The following STK24 variants were observed in gnomAD, a reference collection of about 807,000 sequenced individuals.
The protein encoded by STK24 is serine/threonine kinase 24, also known as serine/threonine-protein kinase 24.
Under a neutral mutation model 55.6 loss-of-function variants are expected in STK24, and 21 were observed. The observed-to-expected ratio is 0.38, with a 90% confidence interval of 0.27 to 0.54. The LOEUF (loss-of-function observed/expected upper bound fraction) is 0.54, where lower values mean the gene tolerates loss of function less well. Ranked by LOEUF, STK24 falls within the 20% of genes least tolerant of loss-of-function variation. STK24 has a pLI of 0.79. For missense variants in STK24, 383 were observed against 538.4 expected (o/e 0.71, Z 2.86); for synonymous variants, 200 against 215.2 (o/e 0.93, Z 0.62).
At chr13:98,475,113 C>T in intron 4 of STK24, 135 bp from the exon 5 acceptor site, 12 of 1,411,122 alleles carry the variant, frequency 8.5e-6, no homozygotes, top group Non-Finnish European at 1.1e-5. Flanking sequence ...TTGTCAGACC[C>T]CCTCAAAGCC....
chr13:98,477,817 AG>A (rs1280907268), intron 3 of STK24, among the ~76,000 whole-genome samples: 2 of 152,160 alleles, frequency 1.3e-5, no homozygotes, highest in African/African-American at 4.8e-5. Context: ...GTCTCCCAAA[AG>A]CAACGGCAGA....
chr13:98,455,151 T>G (rs1025917837), intron 10 of STK24: 1 of 152,256 alleles, frequency 6.6e-6, no homozygotes, highest in Non-Finnish European at 1.5e-5. Context: ...GTTGAAATAA[T>G]ACTTTGGATC....
Position 98,448,091 on chromosome 13 carries a change from G to T in STK24, c.*5082C>A, listed in dbSNP as rs1300994091. On this transcript the variant is annotated 3_prime_UTR_variant, in exon 11 of 11. Transcript: ENST00000539966. ...TGTACCTCAGGAACGCCTGGGTGCT[G>T]GCTGTTCCCTTGCTCTTCTGCTGAA... 3 of 692,548 alleles carry T rather than the reference G, an allele frequency of 4.3e-6. No individual in the cohort carries two copies. Among genetic ancestry groups the T allele is most frequent in the Non-Finnish European group, 7.9e-6 (3 of 381,968 alleles). The allele number at this position is 692,548 out of a possible 1,614,324, so 42.9% of individuals were successfully genotyped here.
chr13:98,527,450 T>C (rs1017202462), intron 1 of STK24, among the ~76,000 whole-genome samples: 10 of 152,170 alleles, frequency 6.6e-5, no homozygotes, highest in African/African-American at 1.4e-4. Flanking sequence ...CCGGGAATCA[T>C]GCTCCGCGGG....
At chr13:98,532,160 G>A (rs1277147961) in intron 1 of STK24, among the ~76,000 whole-genome samples, 2 of 152,174 alleles carry the variant, frequency 1.3e-5, no homozygotes, top group Non-Finnish European at 2.9e-5. Flanking sequence ...CTCTGCAGAA[G>A]TCACAATGCC....
chr13:98,458,369 C>A (rs571176451), intron 9 of STK24, among the ~76,000 whole-genome samples: 1 of 152,186 alleles, frequency 6.6e-6, no homozygotes, highest in South Asian at 2.1e-4. Context: ...AGGCGACATT[C>A]AGCTTGGTTT....
intron 1 of STK24, among the ~76,000 whole-genome samples, chr13:98,542,074 T>C (rs758614639): frequency 6.6e-6 from 1 of 152,238 alleles, no homozygotes; most frequent in Non-Finnish European, 1.5e-5. Flanking sequence ...ACTTTAACCA[T>C]GGGCCGTTTA....
At chr13:98,547,285 C>A (rs1202482973) in intron 1 of STK24, among the ~76,000 whole-genome samples, 2 of 152,136 alleles carry the variant, frequency 1.3e-5, no homozygotes, top group African/African-American at 2.4e-5. Context: ...GTGGCTCACA[C>A]CTGTCAACCT....
chr13:98,516,465 G>A (rs1246868545), intron 2 of STK24, among the ~76,000 whole-genome samples: 3 of 152,216 alleles, frequency 2.0e-5, no homozygotes, highest in Non-Finnish European at 1.5e-5. Context: ...GAAAAGGCCA[G>A]CCTACTGTGC....
At chr13:98,539,137 G>A (rs975784296) in intron 1 of STK24, among the ~76,000 whole-genome samples, 5 of 148,652 alleles carry the variant, frequency 3.4e-5, no homozygotes, top group Admixed American at 6.6e-5. Context: ...ATTTCCATTC[G>A]GCTCACTCCA....
At chr13:98,480,759 T>C (rs1252128428) in intron 3 of STK24, among the ~76,000 whole-genome samples, 1 of 152,234 alleles carries the variant, frequency 6.6e-6, no homozygotes, top group Non-Finnish European at 1.5e-5. Flanking sequence ...TATTCTAGAA[T>C]TAAATTTTTT....
intron 1 of STK24, among the ~76,000 whole-genome samples, chr13:98,562,729 C>T (rs559291750): frequency 3.9e-5 from 6 of 151,964 alleles, no homozygotes; most frequent in East Asian, 3.9e-4. Flanking sequence ...TCCTGGCTAG[C>T]GCGGTGAAAC....
At chr13:98,493,441 A>G (rs1395166940) in intron 2 of STK24, among the ~76,000 whole-genome samples, 8 of 152,204 alleles carry the variant, frequency 5.3e-5, no homozygotes, top group Non-Finnish European at 7.3e-5. Context: ...AAAAGAAAAG[A>G]AACAACAAAG....
In STK24 at chr13:98,452,544, C is replaced by G. The variant is rs560155440; in HGVS notation, c.*629G>C. On this transcript the variant is annotated 3_prime_UTR_variant, in exon 11 of 11. Coordinates refer to ENST00000539966, the MANE Select transcript of STK24 (RefSeq NM_001032296.4). ...CATTAATTATTAATGACAAACCCTG[C>G]AAATACAAAATAAAACCCAAATCAC... The G allele has an allele frequency of 5.0e-4, 76 of 152,656 alleles. No homozygotes were observed. The highest frequency in any genetic ancestry group is 1.8e-3 in the Admixed American group (27 of 15,282). 9.5% of individuals were successfully genotyped at this position (152,656 alleles called of 1,614,324 possible).
In STK24 at chr13:98,449,427, C is replaced by A. The variant is rs1327728710; in HGVS notation, c.*3746G>T. Reference sequence around the variant, plus strand: ...GCTTTGGCCCCTACTCGGGAAACGTCTGCCTGTTCTCGATGGTGATGGGGT... The same window carrying A: ...GCTTTGGCCCCTACTCGGGAAACGTATGCCTGTTCTCGATGGTGATGGGGT... On this transcript the variant is annotated 3_prime_UTR_variant, in exon 11 of 11. Coordinates refer to ENST00000539966, the MANE Select transcript of STK24 (RefSeq NM_001032296.4). 6.6e-6 allele frequency: 1 copy of A among 152,192 alleles called. No homozygotes were observed. Among genetic ancestry groups the A allele is most frequent in the Non-Finnish European group, 1.5e-5 (1 of 68,046 alleles). 9.4% of individuals were successfully genotyped at this position (152,192 alleles called of 1,614,324 possible). A position where few individuals can be genotyped will look rare whatever the true frequency, so the allele number is the denominator to read the frequency against.
chr13:98,466,412 C>T lies in STK24; in HGVS notation c.747G>A (p.Glu249=), dbSNP rs747472745. 51 of 1,612,924 alleles carry T rather than the reference C, an allele frequency of 3.2e-5. No individual in the cohort carries two copies. The highest frequency in any genetic ancestry group is 4.2e-5 in the Non-Finnish European group (50 of 1,180,040). ...LEGNYSKPLK[E]FVEACLNKEP... ...CCTTATTCAAACAGGCCTCCACAAA[C>T]TCCTTGAGGGGTTTACTGTAGTTTC... The change falls in exon 6 of 11, where the codon GAG becomes GAA. Residue 249 remains glutamate, a synonymous_variant. Transcript: ENST00000539966.
intron 2 of STK24, among the ~76,000 whole-genome samples, chr13:98,493,443 A>G (rs983759804): frequency 6.6e-6 from 1 of 152,200 alleles, no homozygotes; most frequent in African/African-American, 2.4e-5. Flanking sequence ...AAGAAAAGAA[A>G]CAACAAAGAG....
At chr13:98,555,268 A>T (rs908880992) in intron 1 of STK24, among the ~76,000 whole-genome samples, 1 of 151,878 alleles carries the variant, frequency 6.6e-6, no homozygotes, top group Non-Finnish European at 1.5e-5. Context: ...ACACAACCCT[A>T]TTGTTGGATA....
rs141167873 is a variant in STK24, at chr13:98,500,169, T to G, written c.274-17848A>C. ...TGCTATTTCAGGAATTGCCTTTTAT[T>G]TAATGCTTCATGGTCCTTTGTCACT... is the stretch of plus-strand genomic sequence containing the variant. On this transcript the variant is annotated intron_variant, in intron 2 of 10. Coordinates refer to ENST00000539966, the MANE Select transcript of STK24 (RefSeq NM_001032296.4). Among the ~76,000 whole-genome samples the G allele has an allele frequency of 8.4e-4, 128 of 152,338 alleles. 1 individual carries two copies. The East Asian group carries it at 0.024, about 29-fold the overall frequency.
Sources: allele counts gnomAD v4.1 joint callset (sites outside exome capture counted in the v4.1 genomes callset), GRCh38; gene constraint gnomAD v4.1.1; transcripts MANE v1.5; gene names NCBI Gene and HGNC (gene_info 2026-07-23, HGNC 2026-07-21).